FRMD4B: variants seen among roughly 807,000 people sequenced by gnomAD.
FRMD4B encodes the protein FERM domain containing 4B.
FRMD4B carries 74 observed loss-of-function variants against 141.5 expected under a neutral mutation model. The ratio of observed to expected loss-of-function variants is 0.52; its 90% CI spans 0.43 to 0.63. The LOEUF (loss-of-function observed/expected upper bound fraction) is 0.63. Ranked by LOEUF, FRMD4B falls within the 30% of genes least tolerant of loss-of-function variation. The pLI is 0.00. For synonymous variants in FRMD4B, 506 were observed against 467.9 expected (o/e 1.08, Z -1.05); for missense variants, 1,366 against 1,253.4 (o/e 1.09, Z -1.36).
intron 5 of FRMD4B, among the ~76,000 whole-genome samples, chr3:69,284,939 A>T (rs1700620285): frequency 6.6e-6 from 1 of 152,212 alleles, no homozygotes; most frequent in Admixed American, 6.5e-5. Flanking sequence ...AGGTGGGAGG[A>T]TCACCTGAGG....
In FRMD4B at chr3:69,189,774, A is replaced by G. The variant is rs906572074; in HGVS notation, c.1771+122T>C. ...TTTCCCAACCATTTTGCATAAATGT[A>G]AGTTAGTTTATTCTACTTTTTCTCA... On this transcript the variant is annotated intron_variant, in intron 18 of 22. Transcript: ENST00000398540. 6.1e-6 allele frequency: 4 copies of G among 652,478 alleles called. No homozygotes were observed. In the African/African-American group the frequency reaches 7.3e-5, roughly 12 times the overall value. The allele number at this position is 652,478 out of a possible 1,614,324, so 40.4% of individuals were successfully genotyped here.
intron 1 of FRMD4B, among the ~76,000 whole-genome samples, chr3:69,479,303 G>A (rs1037417313): frequency 6.6e-6 from 1 of 151,560 alleles, no homozygotes; most frequent in Non-Finnish European, 1.5e-5. Context: ...TCCTAGCCTC[G>A]ATGGTCTTTA....
chr3:69,191,558 C>T (rs113585781), intron 17 of FRMD4B, among the ~76,000 whole-genome samples: 1 of 152,334 alleles, frequency 6.6e-6, no homozygotes, highest in Middle Eastern at 3.4e-3. Flanking sequence ...AAATATAATC[C>T]TCAATGTAAA....
chr3:69,185,199 G>T (rs2092752007), intron 19 of FRMD4B, among the ~76,000 whole-genome samples: 1 of 151,562 alleles, frequency 6.6e-6, no homozygotes, highest in African/African-American at 2.4e-5. Flanking sequence ...TACTCAGGAG[G>T]TTGAGGCAGG....
chr3:69,269,030 G>A lies in FRMD4B; in HGVS notation c.501+18722C>T, dbSNP rs1257313482. On this transcript the variant is annotated intron_variant, in intron 5 of 22. Coordinates refer to ENST00000398540, the MANE Select transcript of FRMD4B (RefSeq NM_015123.3). ...TGCAATCTCTGCCTCCCAGGTTCAA[G>A]CAATTCTCCTGCCTTAGCCTCACGA... 4.0e-5 allele frequency among the ~76,000 whole-genome samples: 6 copies of A among 150,870 alleles called. No homozygotes were observed. The East Asian group carries it at 1.2e-3, about 29-fold the overall frequency.
At chr3:69,226,314 T>C (rs1013149874) in intron 7 of FRMD4B, among the ~76,000 whole-genome samples, 2 of 152,074 alleles carry the variant, frequency 1.3e-5, no homozygotes, top group African/African-American at 4.8e-5. Context: ...TTCCTGAAAA[T>C]CAAAATATAC....
intron 4 of FRMD4B, among the ~76,000 whole-genome samples, chr3:69,300,609 G>T (rs1701182150): frequency 6.6e-6 from 1 of 152,238 alleles, no homozygotes. Context: ...TTACTACCTA[G>T]ATGGTACTTG....
In FRMD4B at chr3:69,216,273, T is replaced by C; in HGVS notation, c.866A>G (p.Lys289Arg). The change falls in exon 11 of 23, where the codon AAG becomes AGG. Residue 289 changes from lysine to arginine, a missense_variant. Physicochemically the swap from Lys to Arg is conservative, Grantham distance 26. Coordinates refer to ENST00000398540, the MANE Select transcript of FRMD4B (RefSeq NM_015123.3). ...IGQYDIQDKV[K>R]PRKLFQWKQL... ...GTGATCCACACTTACCTTCCGAGGC[T>C]TCACCTTGTCTTGTATATCATATTG... The C allele has an allele frequency of 6.5e-7, 1 of 1,540,510 alleles. No homozygotes were observed. Among genetic ancestry groups the C allele is most frequent in the Non-Finnish European group, 8.9e-7 (1 of 1,123,860 alleles).
intron 7 of FRMD4B, among the ~76,000 whole-genome samples, chr3:69,231,937 T>C (rs2093309547): frequency 6.6e-6 from 1 of 152,168 alleles, no homozygotes; most frequent in Non-Finnish European, 1.5e-5. Flanking sequence ...GGGGAATCTG[T>C]CTGGGAGCCT....
At chr3:69,526,635 G>A (rs779345425) in intron 1 of FRMD4B, among the ~76,000 whole-genome samples, 1 of 152,084 alleles carries the variant, frequency 6.6e-6, no homozygotes, top group Non-Finnish European at 1.5e-5. Context: ...CCATTTTCTG[G>A]TCTATTAAAT....
At chr3:69,331,894 C>T (rs1702380870) in intron 1 of FRMD4B, among the ~76,000 whole-genome samples, 1 of 152,246 alleles carries the variant, frequency 6.6e-6, no homozygotes, top group South Asian at 2.1e-4. Flanking sequence ...TCAAGACCAG[C>T]CTGGCCAAGA....
At chr3:69,401,129 T>C (rs1337462513) in intron 2 of FRMD4B, among the ~76,000 whole-genome samples, 1 of 152,214 alleles carries the variant, frequency 6.6e-6, no homozygotes, top group Non-Finnish European at 1.5e-5. Context: ...GTTTACATCA[T>C]AAAGCACAGT....
At position 69,258,235 on chromosome 3, in the gene FRMD4B, G is replaced by A. The variant is rs189712080; in HGVS notation, c.502-8136C>T. 6.6e-3 allele frequency among the ~76,000 whole-genome samples: 999 copies of A among 152,252 alleles called. 7 individuals carry two copies. The highest frequency in any genetic ancestry group is 0.011 in the Non-Finnish European group (765 of 68,016). On this transcript the variant is annotated intron_variant, in intron 5 of 22. Coordinates refer to ENST00000398540, the MANE Select transcript of FRMD4B (RefSeq NM_015123.3). ...CCTCCCTCAGCTTCCCAAAGTGCTG[G>A]GGTTACAGGCGTGAGCCACTGCGCC... is the stretch of plus-strand genomic sequence containing the variant.
chr3:69,508,640 A>T (rs576102225), intron 1 of FRMD4B, among the ~76,000 whole-genome samples: 3 of 152,360 alleles, frequency 2.0e-5, no homozygotes, highest in South Asian at 2.1e-4. Context: ...ATATTCTACC[A>T]TTAAAAGGAT....
chr3:69,302,049 T>C (rs1208297806), intron 4 of FRMD4B, among the ~76,000 whole-genome samples: 3 of 152,196 alleles, frequency 2.0e-5, no homozygotes, highest in Non-Finnish European at 2.9e-5. Context: ...TATTAAAATA[T>C]ATTACCCATG....
At chr3:69,344,114 A>G (rs959707923) in intron 1 of FRMD4B, among the ~76,000 whole-genome samples, 16 of 152,174 alleles carry the variant, frequency 1.1e-4, no homozygotes, top group African/African-American at 3.6e-4. Flanking sequence ...TTTCAATCTA[A>G]GAGCTGCATC....
Position 69,221,908 on chromosome 3 carries a change from A to G in FRMD4B, c.681T>C (p.Ile227=). ...GACCTTTGATTTTCAAATAATGCTC[A>G]ATTACCCTGTCCTCACTGTAAAACA... ...PSLAYCEDRV[I]EHYLKIKGLT... The change falls in exon 9 of 23, where the codon ATT becomes ATC. Residue 227 remains isoleucine, a synonymous_variant. Coordinates refer to ENST00000398540, the MANE Select transcript of FRMD4B (RefSeq NM_015123.3). The G allele has an allele frequency of 6.5e-7, 1 of 1,546,712 alleles. No homozygotes were observed. The highest frequency in any genetic ancestry group is 8.9e-7 in the Non-Finnish European group (1 of 1,125,424).
intron 2 of FRMD4B, among the ~76,000 whole-genome samples, chr3:69,426,898 C>T (rs1705088675): frequency 6.6e-6 from 1 of 152,134 alleles, no homozygotes; most frequent in South Asian, 2.1e-4. Flanking sequence ...GTTCTCCATA[C>T]TGGTACAACA....
At chr3:69,339,932 GA>G (rs1349704014) in intron 1 of FRMD4B, among the ~76,000 whole-genome samples, 1 of 151,882 alleles carries the variant, frequency 6.6e-6, no homozygotes, top group Non-Finnish European at 1.5e-5. Context: ...AATTCAATCA[GA>G]AAAAAACTCC....
Sources: gnomAD v4.1 joint callset for allele counts (sites outside exome capture counted in the v4.1 genomes callset) on GRCh38, gnomAD v4.1.1 for gene constraint, MANE v1.5 for transcripts, NCBI Gene and HGNC (gene_info 2026-07-23, HGNC 2026-07-21) for gene names.